The following TBC1D2B variants were observed in gnomAD, a reference collection of about 807,000 sequenced individuals.
TBC1D2B encodes the protein TBC1 domain family, member 2B.
TBC1D2B carries 64 observed loss-of-function variants against 100.8 expected under a neutral mutation model. That is an observed-to-expected ratio of 0.64 (90% CI 0.52 to 0.78). The LOEUF (loss-of-function observed/expected upper bound fraction) is 0.78. Ranked by LOEUF, TBC1D2B falls within the 30% of genes least tolerant of loss-of-function variation. TBC1D2B has a pLI of 0.00. For missense variants in TBC1D2B, 1,052 were observed against 1,218.4 expected (o/e 0.86, Z 2.03); for synonymous variants, 480 against 479.7 (o/e 1.00, Z -0.01).
intron 3 of TBC1D2B, among the ~76,000 whole-genome samples, chr15:78,031,533 G>A (rs151082205): frequency 0.033 from 3,854 of 117,190 alleles, 202 homozygotes; most frequent in African/African-American, 0.12. Flanking sequence ...CAGCCTGGGC[G>A]ATAGAGCAAG....
intron 1 of TBC1D2B, among the ~76,000 whole-genome samples, chr15:78,066,671 C>T (rs925573660): frequency 6.6e-6 from 1 of 152,198 alleles, no homozygotes; most frequent in African/African-American, 2.4e-5. Flanking sequence ...AGCATGTTAC[C>T]TCTACAACAG....
chr15:78,027,886 A>G (rs576933543), intron 4 of TBC1D2B, among the ~76,000 whole-genome samples: 21 of 152,322 alleles, frequency 1.4e-4, no homozygotes, highest in African/African-American at 3.8e-4. Context: ...TAGGTAATTC[A>G]GCACATTCAG....
intron 1 of TBC1D2B, chr15:78,066,122 T>C (rs2073651765): frequency 2.1e-6 from 1 of 469,414 alleles, no homozygotes; most frequent in Non-Finnish European, 4.4e-6. Context: ...TCCCTCTGAA[T>C]GCTCAGGAAG....
chr15:78,074,185 G>T (rs913964969), intron 1 of TBC1D2B, among the ~76,000 whole-genome samples: 12 of 151,752 alleles, frequency 7.9e-5, no homozygotes, highest in African/African-American at 2.2e-4. Flanking sequence ...ACCATGCCCA[G>T]CCAATTTTTG....
intron 1 of TBC1D2B, among the ~76,000 whole-genome samples, chr15:78,073,948 GAC>G (rs1567037707): frequency 6.6e-6 from 1 of 151,106 alleles, no homozygotes; most frequent in African/African-American, 2.4e-5. Flanking sequence ...CAGCCTGGGC[GAC>G]ACAGCAAGAC....
At chr15:78,043,388 C>T (rs893802242) in intron 3 of TBC1D2B, among the ~76,000 whole-genome samples, 2 of 152,124 alleles carry the variant, frequency 1.3e-5, no homozygotes, top group Non-Finnish European at 2.9e-5. Context: ...CCACTACAAC[C>T]TTTCTCTTTT....
intron 3 of TBC1D2B, among the ~76,000 whole-genome samples, chr15:78,032,410 T>TA (rs201989706): frequency 4.1e-4 from 61 of 148,932 alleles, no homozygotes; most frequent in African/African-American, 9.9e-4. Context: ...TTTATAGCAA[T>TA]AAAAAAAATA....
chr15:78,015,226 A>T (rs2141665151), intron 8 of TBC1D2B, among the ~76,000 whole-genome samples: 2 of 152,166 alleles, frequency 1.3e-5, no homozygotes, highest in South Asian at 2.1e-4. Flanking sequence ...AACAAAACAA[A>T]ACAATAAAAT....
chr15:78,017,701 T>C (rs16969407), intron 7 of TBC1D2B, 146 bp downstream of exon 7: 18,863 of 551,082 alleles, frequency 0.034, 661 homozygotes, highest in African/African-American at 0.12. Context: ...GCTCTATGTA[T>C]TATATGTATT....
intron 1 of TBC1D2B, among the ~76,000 whole-genome samples, chr15:78,059,568 G>C (rs958740921): frequency 2.6e-5 from 4 of 152,102 alleles, no homozygotes; most frequent in Admixed American, 2.0e-4. Flanking sequence ...CCAGCTCGGA[G>C]AATAAAAGCA....
intron 2 of TBC1D2B, 70 bp downstream of exon 2, chr15:78,053,964 C>G: frequency 6.9e-7 from 1 of 1,452,396 alleles, no homozygotes; most frequent in Non-Finnish European, 9.3e-7. Context: ...TCATTCACTG[C>G]TAAGTTCATA....
chr15:78,002,662 T>C (rs1305125058), intron 11 of TBC1D2B: 4 of 152,180 alleles, frequency 2.6e-5, no homozygotes, highest in Non-Finnish European at 5.9e-5. Flanking sequence ...AGGCTATATT[T>C]TAACTCCTCA....
At chr15:78,055,192 G>A (rs1408508591) in intron 1 of TBC1D2B, among the ~76,000 whole-genome samples, 1 of 152,108 alleles carries the variant, frequency 6.6e-6, no homozygotes, top group South Asian at 2.1e-4. Flanking sequence ...TGACTACAAA[G>A]CGGCAGCACA....
At chr15:78,052,307 C>G (rs1437169101) in intron 2 of TBC1D2B, among the ~76,000 whole-genome samples, 1 of 152,218 alleles carries the variant, frequency 6.6e-6, no homozygotes, top group African/African-American at 2.4e-5. Flanking sequence ...AGCCCACTTA[C>G]AGCCCATGGT....
At chr15:78,031,329 A>G (rs2141719018) in intron 3 of TBC1D2B, among the ~76,000 whole-genome samples, 1 of 152,252 alleles carries the variant, frequency 6.6e-6, no homozygotes, top group South Asian at 2.1e-4. Context: ...TGAGGTGGGC[A>G]TATCACCTGA....
At chr15:78,011,462 A>C (rs1169098787) in intron 9 of TBC1D2B, among the ~76,000 whole-genome samples, 1 of 145,798 alleles carries the variant, frequency 6.9e-6, no homozygotes, top group Non-Finnish European at 1.5e-5. Flanking sequence ...TTCTTACTTT[A>C]TCCATATCTT....
At chr15:78,049,349 A>G (rs1453952132) in intron 2 of TBC1D2B, among the ~76,000 whole-genome samples, 1 of 152,220 alleles carries the variant, frequency 6.6e-6, no homozygotes, top group Non-Finnish European at 1.5e-5. Context: ...CTTAATAAAT[A>G]TTGGTTAAAT....
chr15:78,012,482 G>A (rs1377408011), intron 9 of TBC1D2B, among the ~76,000 whole-genome samples: 2 of 152,176 alleles, frequency 1.3e-5, no homozygotes, highest in Non-Finnish European at 2.9e-5. Flanking sequence ...CATAAACAAC[G>A]GGTGACCACC....
At chr15:78,050,348 A>T (rs2073287782) in intron 2 of TBC1D2B, among the ~76,000 whole-genome samples, 1 of 152,250 alleles carries the variant, frequency 6.6e-6, no homozygotes, top group South Asian at 2.1e-4. Flanking sequence ...ATATTCAAAC[A>T]GGCACTTGGG....
Sources: allele counts gnomAD v4.1 joint callset (sites outside exome capture counted in the v4.1 genomes callset), GRCh38; gene constraint gnomAD v4.1.1; transcripts MANE v1.5; gene names NCBI Gene and HGNC (gene_info 2026-07-23, HGNC 2026-07-21).